Variants in AIG1 observed in about 807,000 individuals in gnomAD.
The protein encoded by AIG1 is androgen-induced gene 1 protein.
In AIG1, 23 loss-of-function variants were observed where a neutral mutation model predicts 31.4. The ratio of observed to expected loss-of-function variants is 0.73; its 90% CI spans 0.53 to 1.04. The LOEUF (loss-of-function observed/expected upper bound fraction) is 1.04, where lower values mean the gene tolerates loss of function less well. Ranked by LOEUF, AIG1 falls within the 50% of genes least tolerant of loss-of-function variation. The probability of loss-of-function intolerance (pLI) is 0.00; values close to 1 mark genes in which losing one functional copy is unlikely to be tolerated. For missense variants in AIG1, 274 were observed against 295.0 expected (o/e 0.93, Z 0.52); for synonymous variants, 100 against 110.5 (o/e 0.90, Z 0.60).
intron 4 of AIG1, among the ~76,000 whole-genome samples, chr6:143,314,171 G>A (rs745842519): frequency 7.8e-6 from 1 of 128,984 alleles, no homozygotes; most frequent in Non-Finnish European, 1.6e-5. Context: ...CAACAAAGCT[G>A]GAACCCATCT....
At chr6:143,156,797 A>G (rs1785808200) in intron 2 of AIG1, among the ~76,000 whole-genome samples, 1 of 152,226 alleles carries the variant, frequency 6.6e-6, no homozygotes, top group South Asian at 2.1e-4. Context: ...GTCATCCTAA[A>G]TTGGGGCAGG....
chr6:143,172,230 T>G (rs888377770), intron 3 of AIG1, among the ~76,000 whole-genome samples: 4 of 152,222 alleles, frequency 2.6e-5, no homozygotes, highest in African/African-American at 9.7e-5. Context: ...TGCATTTGCT[T>G]TTGGGTTCTT....
chr6:143,208,645 G>C (rs142786460), intron 3 of AIG1, among the ~76,000 whole-genome samples: 1 of 152,036 alleles, frequency 6.6e-6, no homozygotes. Context: ...ATCAAGCAAC[G>C]CTGCAGAAAT....
At position 143,331,911 on chromosome 6, in the gene AIG1, AC is replaced by A. The variant is rs765669382; in HGVS notation, c.516-1368del. Among the ~76,000 whole-genome samples, 90 of 150,394 alleles carry A rather than the reference AC, an allele frequency of 6.0e-4. No individual in the cohort carries two copies. The highest frequency in any genetic ancestry group is 1.1e-3 in the Non-Finnish European group (76 of 67,698). On this transcript the variant is annotated intron_variant, in intron 4 of 5. Coordinates refer to ENST00000357847, the MANE Select transcript of AIG1 (RefSeq NM_016108.4). This position sits in a 1 kb window ranked among gnomAD's most constrained non-coding sequence, Gnocchi z 4.1. ...TTTTGAGACCAAGTCTCACTTTGTC[AC>A]CCAGGCTGGAGTGCAGTGGTGTGAT... is the stretch of plus-strand genomic sequence containing the variant.
chr6:143,063,064 CT>C (rs1240677116), intron 1 of AIG1, among the ~76,000 whole-genome samples: 17 of 152,188 alleles, frequency 1.1e-4, no homozygotes, highest in Admixed American at 1.1e-3. Flanking sequence ...CAAGAGATGC[CT>C]GCTTTTCATA....
chr6:143,309,674 G>A (rs1284828886), intron 4 of AIG1, among the ~76,000 whole-genome samples: 1 of 151,882 alleles, frequency 6.6e-6, no homozygotes, highest in African/African-American at 2.4e-5. Context: ...AATGTGAATA[G>A]CCTAATACAC....
At chr6:143,196,800 G>A (rs1323605427) in intron 3 of AIG1, among the ~76,000 whole-genome samples, 3 of 151,796 alleles carry the variant, frequency 2.0e-5, no homozygotes, top group African/African-American at 4.8e-5. Flanking sequence ...ATGCTTCTCA[G>A]TTCCTTCTCA....
chr6:143,146,126 TC>T (rs1366875496), intron 2 of AIG1, among the ~76,000 whole-genome samples: 1 of 152,134 alleles, frequency 6.6e-6, no homozygotes, highest in African/African-American at 2.4e-5. Flanking sequence ...AGTAAAATCT[TC>T]CTTGAACACC....
intron 1 of AIG1, among the ~76,000 whole-genome samples, chr6:143,097,212 TG>T (rs1779878171): frequency 6.6e-6 from 1 of 152,132 alleles, no homozygotes; most frequent in South Asian, 2.1e-4. Flanking sequence ...CCTTGCTTTT[TG>T]ATGAAGTGGG....
At chr6:143,125,229 T>C (rs1782595354) in intron 1 of AIG1, among the ~76,000 whole-genome samples, 1 of 152,188 alleles carries the variant, frequency 6.6e-6, no homozygotes, top group South Asian at 2.1e-4. Flanking sequence ...CAACATCTTT[T>C]TTCCCCCAGT....
At chr6:143,290,912 C>T (rs1798019910) in intron 4 of AIG1, among the ~76,000 whole-genome samples, 1 of 152,124 alleles carries the variant, frequency 6.6e-6, no homozygotes, top group Admixed American at 6.5e-5. Flanking sequence ...GCCATCCATG[C>T]TTCACTATGC....
At chr6:143,309,200 A>C (rs1164109071) in intron 4 of AIG1, among the ~76,000 whole-genome samples, 1 of 152,090 alleles carries the variant, frequency 6.6e-6, no homozygotes, top group East Asian at 1.9e-4. Flanking sequence ...TATCTTTCAA[A>C]AGTAAAGAAG....
chr6:143,320,843 A>G (rs1305522055), intron 4 of AIG1, among the ~76,000 whole-genome samples: 1 of 145,574 alleles, frequency 6.9e-6, no homozygotes, highest in Non-Finnish European at 1.5e-5. Context: ...TTTTTTGAGA[A>G]GGAGTTTCGC....
At chr6:143,174,956 A>G (rs1788000442) in intron 3 of AIG1, among the ~76,000 whole-genome samples, 1 of 152,144 alleles carries the variant, frequency 6.6e-6, no homozygotes, top group South Asian at 2.1e-4. Context: ...TCGAGGATTT[A>G]TTTCAAGATT....
intron 3 of AIG1, among the ~76,000 whole-genome samples, chr6:143,196,390 CA>C (rs1562481199): frequency 7.3e-5 from 11 of 149,824 alleles, no homozygotes; most frequent in Admixed American, 2.6e-4. Flanking sequence ...CACACACACA[CA>C]CACACCCCAA....
Position 143,286,012 on chromosome 6 carries a change from G to A in AIG1, c.515+1787G>A, listed in dbSNP as rs149198157. Among the ~76,000 whole-genome samples the A allele has an allele frequency of 9.4e-5, 14 of 148,962 alleles. No homozygotes were observed. In the East Asian group the frequency reaches 2.1e-3, roughly 23 times the overall value. ...TAGCCATAGTTTAAAAATCAGTCTC[G>A]CATCCCACCCCCACCCCAAATACGG... On this transcript the variant is annotated intron_variant, in intron 4 of 5. Coordinates refer to ENST00000357847, the MANE Select transcript of AIG1 (RefSeq NM_016108.4).
intron 3 of AIG1, among the ~76,000 whole-genome samples, chr6:143,214,093 G>C (rs1005896362): frequency 6.6e-6 from 1 of 152,178 alleles, no homozygotes; most frequent in Admixed American, 6.5e-5. Context: ...CCAAAGCCTA[G>C]TAAAATACTC....
Position 143,304,383 on chromosome 6 carries a change from A to G in AIG1, c.515+20158A>G, listed in dbSNP as rs539615020. ...GGGTTTGTCATAGATAGCTCTTATT[A>G]TTTTGAGATACGTCCCATCAGTACC... is the stretch of plus-strand genomic sequence containing the variant. On this transcript the variant is annotated intron_variant, in intron 4 of 5. Transcript: ENST00000357847. Among the ~76,000 whole-genome samples, 11 of 151,576 alleles carry G rather than the reference A, an allele frequency of 7.3e-5. No homozygotes were observed. In the East Asian group the frequency reaches 2.2e-3, roughly 30 times the overall value.
At chr6:143,222,017 C>A (rs1252923883) in intron 3 of AIG1, among the ~76,000 whole-genome samples, 3 of 152,146 alleles carry the variant, frequency 2.0e-5, no homozygotes, top group African/African-American at 7.2e-5. Flanking sequence ...TAATAGGCTG[C>A]GAACACCCCA....
Sources: allele counts gnomAD v4.1 joint callset (sites outside exome capture counted in the v4.1 genomes callset), GRCh38; gene constraint gnomAD v4.1.1; non-coding constraint Gnocchi (gnomAD v3.1); transcripts MANE v1.5; gene names NCBI Gene and HGNC (gene_info 2026-07-23, HGNC 2026-07-21).